The following IQCM variants were observed in gnomAD, a reference collection of about 807,000 sequenced individuals.
The protein encoded by IQCM is IQ motif containing M, also known as IQ domain-containing protein M.
A neutral mutation model predicts 57.6 loss-of-function variants in IQCM; 45 were observed. That is an observed-to-expected ratio of 0.78 (90% confidence interval 0.62 to 1.00). The LOEUF (loss-of-function observed/expected upper bound fraction) is 1.00. IQCM is among the 50% of genes least tolerant of loss of function. The probability of loss-of-function intolerance (pLI) is 0.00; values close to 1 mark genes in which losing one functional copy is unlikely to be tolerated. For missense variants in IQCM, 468 were observed against 511.6 expected (o/e 0.91, Z 0.82); for synonymous variants, 148 against 158.9 (o/e 0.93, Z 0.51).
chr4:149,583,685 G>T (rs1752410072), intron 9 of IQCM, among the ~76,000 whole-genome samples: 1 of 151,476 alleles, frequency 6.6e-6, no homozygotes, highest in African/African-American at 2.4e-5. Context: ...AATTCAAGTG[G>T]ACCTCAAGGA....
At chr4:149,655,349 A>G (rs1263796659) in intron 7 of IQCM, among the ~76,000 whole-genome samples, 2 of 152,172 alleles carry the variant, frequency 1.3e-5, no homozygotes, top group African/African-American at 4.8e-5. Flanking sequence ...CTCTTTTCTT[A>G]CATCCCACAA....
intron 13 of IQCM, among the ~76,000 whole-genome samples, chr4:149,352,340 T>A (rs1286004395): frequency 6.6e-6 from 1 of 152,176 alleles, no homozygotes; most frequent in African/African-American, 2.4e-5. Context: ...GCCCTCTGTA[T>A]CTGTGGGTTC....
rs546300980 is a variant in IQCM, at chr4:149,751,977, C to G, written c.-48-9238G>C. Among the ~76,000 whole-genome samples, 10 of 152,212 alleles carry G rather than the reference C, an allele frequency of 6.6e-5. No homozygotes were observed. In the East Asian group the frequency reaches 1.9e-3, roughly 29 times the overall value. ...GCATGGAAGGACTTAGTAATAAACT[C>G]TACTCTTGAGTCTATAAATATGTGT... On this transcript the variant is annotated intron_variant, in intron 2 of 13. Coordinates refer to ENST00000636793, the MANE Select transcript of IQCM (RefSeq NM_001363507.2).
chr4:149,398,819 G>C (rs1420738416), intron 13 of IQCM, among the ~76,000 whole-genome samples: 2 of 152,016 alleles, frequency 1.3e-5, no homozygotes. Context: ...TGATCCTCCT[G>C]ACTCATTCTC....
Position 149,537,533 on chromosome 4 carries a change from G to A in IQCM, c.1228+10922C>T, listed in dbSNP as rs574687848. Among the ~76,000 whole-genome samples, 9 of 151,610 alleles carry A rather than the reference G, an allele frequency of 5.9e-5. No homozygotes were observed. The South Asian group carries it at 1.9e-3, about 32-fold the overall frequency. On this transcript the variant is annotated intron_variant, in intron 12 of 13. Transcript: ENST00000636793. The stretch of plus-strand genomic sequence containing the variant: ...GTTAGCAAAGGAAAGGAGAGAGAAG[G>A]AAAAGTGAAGAAAAATATATTGGCT...
chr4:149,779,089 G>A (rs998508964), intron 2 of IQCM, among the ~76,000 whole-genome samples: 1 of 151,944 alleles, frequency 6.6e-6, no homozygotes, highest in African/African-American at 2.4e-5. Context: ...CAAAATAGAA[G>A]GAAATAAAAT....
chr4:149,777,639 G>A (rs1160630931), intron 2 of IQCM, among the ~76,000 whole-genome samples: 1 of 152,106 alleles, frequency 6.6e-6, no homozygotes, highest in Non-Finnish European at 1.5e-5. Context: ...TACTCCTCAA[G>A]AATATAGAAA....
chr4:149,787,017 T>C (rs895377436), intron 2 of IQCM, among the ~76,000 whole-genome samples: 1 of 152,204 alleles, frequency 6.6e-6, no homozygotes, highest in Admixed American at 6.5e-5. Flanking sequence ...AATGATATCA[T>C]GTCCTTTGCA....
intron 9 of IQCM, among the ~76,000 whole-genome samples, chr4:149,575,962 ATAGAGACTTAAAATTCCAAATTCAG>A (rs1286661716): frequency 6.6e-6 from 1 of 151,802 alleles, no homozygotes; most frequent in African/African-American, 2.4e-5. Flanking sequence ...TCAAAACAAA[ATAGAGACTTAAAATTCCAAATTCAG>A]TTCAAAAAAC....
chr4:149,582,268 A>G (rs1752256489), intron 9 of IQCM, among the ~76,000 whole-genome samples: 2 of 136,660 alleles, frequency 1.5e-5, no homozygotes, highest in South Asian at 2.3e-4. Flanking sequence ...TGTAATTCCT[A>G]TTTAGATGGG....
At chr4:149,583,119 T>C (rs1377543315) in intron 9 of IQCM, among the ~76,000 whole-genome samples, 1 of 151,566 alleles carries the variant, frequency 6.6e-6, no homozygotes, top group Non-Finnish European at 1.5e-5. Context: ...GATATTAGTG[T>C]CATATCTTAT....
At chr4:149,767,156 A>C (rs79475030) in intron 2 of IQCM, among the ~76,000 whole-genome samples, 318 of 152,214 alleles carry the variant, frequency 2.1e-3, no homozygotes, top group South Asian at 0.011. Flanking sequence ...AAAAGAGAGA[A>C]TAGAAAGAGG....
intron 12 of IQCM, among the ~76,000 whole-genome samples, chr4:149,530,279 A>G (rs1369328305): frequency 6.6e-6 from 1 of 152,094 alleles, no homozygotes; most frequent in Non-Finnish European, 1.5e-5. Context: ...ATATGTATAC[A>G]TATATATAAT....
At chr4:149,503,279 T>C (rs1743454803) in intron 12 of IQCM, among the ~76,000 whole-genome samples, 1 of 152,142 alleles carries the variant, frequency 6.6e-6, no homozygotes, top group South Asian at 2.1e-4. Context: ...ATATCTTTTC[T>C]GACCTATAGA....
intron 2 of IQCM, among the ~76,000 whole-genome samples, chr4:149,752,257 A>G (rs1206807388): frequency 1.3e-5 from 2 of 152,130 alleles, no homozygotes; most frequent in Admixed American, 6.6e-5. Context: ...TCTCATCGAT[A>G]TCTGGCTGAA....
intron 2 of IQCM, among the ~76,000 whole-genome samples, chr4:149,761,702 A>T (rs932441520): frequency 2.0e-5 from 3 of 152,106 alleles, no homozygotes; most frequent in African/African-American, 7.2e-5. Flanking sequence ...AGTTCCTACG[A>T]AGAGTCTCTA....
At chr4:149,379,509 C>T (rs1043108206) in intron 13 of IQCM, among the ~76,000 whole-genome samples, 1 of 152,186 alleles carries the variant, frequency 6.6e-6, no homozygotes, top group Non-Finnish European at 1.5e-5. Flanking sequence ...TTTGGACCTT[C>T]AAGATTTAAC....
chr4:149,355,065 A>C (rs965182117), intron 13 of IQCM, among the ~76,000 whole-genome samples: 1 of 152,174 alleles, frequency 6.6e-6, no homozygotes, highest in Admixed American at 6.5e-5. Context: ...TATTTAAAAA[A>C]TAGTTGCTGG....
At chr4:149,377,777 A>C (rs1488121988) in intron 13 of IQCM, among the ~76,000 whole-genome samples, 1 of 152,132 alleles carries the variant, frequency 6.6e-6, no homozygotes, top group African/African-American at 2.4e-5. Context: ...GTAGCTTGAA[A>C]TCAGCCATAT....
Sources: gnomAD v4.1 joint callset for allele counts (sites outside exome capture counted in the v4.1 genomes callset) on GRCh38, gnomAD v4.1.1 for gene constraint, MANE v1.5 for transcripts, NCBI Gene and HGNC (gene_info 2026-07-23, HGNC 2026-07-21) for gene names.